RTP1: variants seen among roughly 807,000 people sequenced by gnomAD.
RTP1 encodes the protein receptor-transporting protein 1.
In RTP1, 24 loss-of-function variants were observed where a neutral mutation model predicts 27.1. The observed-to-expected ratio is 0.89, with a 90% CI of 0.64 to 1.25. RTP1 has a LOEUF of 1.25. Among genes scored for constraint, RTP1 ranks in the 50% most tolerant of loss-of-function variants. The pLI, the probability that RTP1 is intolerant of heterozygous loss-of-function variation, is 0.00. For synonymous variants in RTP1, 148 were observed against 148.1 expected (o/e 1.00, Z 0.00); for missense variants, 338 against 351.6 (o/e 0.96, Z 0.31).
At position 187,197,833 on chromosome 3, in the gene RTP1, C is replaced by T. The variant is rs372355538; in HGVS notation, c.272+46C>T. ...GATCCCTGCAGGCCGCCTCTAGGTCCCTAGCTCTGGGGCACCTTCCAAGGA... is the reference window on the plus strand; with the variant it reads ...GATCCCTGCAGGCCGCCTCTAGGTCTCTAGCTCTGGGGCACCTTCCAAGGA... On this transcript the variant is annotated intron_variant, in intron 1 of 1. Transcript: ENST00000312295. The T allele has an allele frequency of 4.4e-6, 7 of 1,578,248 alleles. No homozygotes were observed. The African/African-American group carries it at 9.4e-5, about 21-fold the overall frequency.
At position 187,199,824 on chromosome 3, in the gene RTP1, C is replaced by A. The variant is rs1721679882; in HGVS notation, c.546C>A (p.Asp182Glu). 4 of 1,608,508 alleles carry A rather than the reference C, an allele frequency of 2.5e-6. No homozygotes were observed. Among genetic ancestry groups the A allele is most frequent in the Non-Finnish European group, 3.4e-6 (4 of 1,175,696 alleles). The change falls in exon 2 of 2, where the codon GAC becomes GAA. Residue 182 changes from aspartate to glutamate, a missense_variant. This residue lies in a region of RTP1 where 252 missense variants were observed against 231.5 expected (regional missense o/e 1.09). Coordinates refer to ENST00000312295, the MANE Select transcript of RTP1 (RefSeq NM_153708.3). ...QYRIHVASRQ[D>E]NRRHRGEFCE... ...GCATCCACGTGGCCAGCCGCCAGGA[C>A]AACCGGCGGCACCGCGGAGAGTTCT...
In RTP1 at chr3:187,200,793, G is replaced by A. The variant is rs1201476199; in HGVS notation, c.*723G>A. The stretch of plus-strand genomic sequence containing the variant: ...TTCTTTCCACTCAGGGCAGATTCTG[G>A]GGTCTGCCTGCCTGAAAGATGGTGG... On this transcript the variant is annotated 3_prime_UTR_variant, in exon 2 of 2. Transcript: ENST00000312295. 2 of 152,200 alleles carry A rather than the reference G, an allele frequency of 1.3e-5. No individual in the cohort carries two copies. The highest frequency in any genetic ancestry group is 2.9e-5 in the Non-Finnish European group (2 of 68,076). The allele number at this position is 152,200 out of a possible 1,614,324, so 9.4% of individuals were successfully genotyped here. A position where few individuals can be genotyped will look rare whatever the true frequency, so the allele number is the denominator to read the frequency against.
rs1189423028 is a variant in RTP1 at position 187,200,947 on chromosome 3, G to C, written c.*877G>C. On this transcript the variant is annotated 3_prime_UTR_variant, in exon 2 of 2. Coordinates refer to ENST00000312295, the MANE Select transcript of RTP1 (RefSeq NM_153708.3). ...AATCTCTGGGAGGCATTATAATGGA[G>C]GGTCTTCAGAGTTCGGGGACCAAGT... is the stretch of plus-strand genomic sequence containing the variant. 1 of 152,246 alleles carries C rather than the reference G, an allele frequency of 6.6e-6. No individual in the cohort carries two copies. Among genetic ancestry groups the C allele is most frequent in the South Asian group, 2.1e-4 (1 of 4,822 alleles). The allele number at this position is 152,246 out of a possible 1,614,324, so 9.4% of individuals were successfully genotyped here. A position where few individuals can be genotyped will look rare whatever the true frequency, so the allele number is the denominator to read the frequency against.
Position 187,197,590 on chromosome 3 carries a change from G to C in RTP1, c.75G>C (p.Arg25Ser). ...CCTCACTCTCCGTGTTCTCACTAAG[G>C]TGGAAATTGCCTTCCCTCACTACTG... The part of the protein sequence containing the change: ...HLPSLSVFSL[R>S]WKLPSLTTDE... Residue 25 changes from arginine to serine, a missense_variant, in exon 1 of 2, where the codon AGG becomes AGC. Physicochemically the swap from Arg to Ser is moderately radical, Grantham distance 110. Transcript: ENST00000312295. 6.2e-7 allele frequency: 1 copy of C among 1,614,170 alleles called. No homozygotes were observed. The highest frequency in any genetic ancestry group is 8.5e-7 in the Non-Finnish European group (1 of 1,180,036).
At position 187,201,370 on chromosome 3, in the gene RTP1, C is replaced by T. The variant is rs1209841669; in HGVS notation, c.*1300C>T. On this transcript the variant is annotated 3_prime_UTR_variant, in exon 2 of 2. Transcript: ENST00000312295. ...CTGTTAAAAACTTGACTACTCTCCT[C>T]TTTAATAGAAAGTCACCATCATCTG... 6.6e-6 allele frequency: 1 copy of T among 152,176 alleles called. No individual in the cohort carries two copies. The highest frequency in any genetic ancestry group is 1.5e-5 in the Non-Finnish European group (1 of 68,018). The allele number at this position is 152,176 out of a possible 1,614,324, so 9.4% of individuals were successfully genotyped here. A position where few individuals can be genotyped will look rare whatever the true frequency, so the allele number is the denominator to read the frequency against.
chr3:187,200,295 G>C lies in RTP1; in HGVS notation c.*225G>C. 2.6e-6 allele frequency: 1 copy of C among 386,676 alleles called. No homozygotes were observed. Among genetic ancestry groups the C allele is most frequent in the Non-Finnish European group, 4.5e-6 (1 of 221,594 alleles). The allele number at this position is 386,676 out of a possible 1,614,324, so 24.0% of individuals were successfully genotyped here. The stretch of plus-strand genomic sequence containing the variant: ...ACCCAGGACCCCAAAGTTCTGCGTA[G>C]GTGCCTCAGGGACTTTTGGATTTGG... On this transcript the variant is annotated 3_prime_UTR_variant, in exon 2 of 2. Coordinates refer to ENST00000312295, the MANE Select transcript of RTP1 (RefSeq NM_153708.3).
chr3:187,197,748 CT>C lies in RTP1; in HGVS notation c.234del (p.Gly79ValfsTer173). On this transcript the variant is annotated frameshift_variant, in exon 1 of 2. Coordinates refer to ENST00000312295, the MANE Select transcript of RTP1 (RefSeq NM_153708.3). LOFTEE classifies it high-confidence loss of function. The part of the protein sequence containing the change: ...DPNLKHNVLS[P>X]GWKQYLELHA... ...AACCTCAAGCACAATGTGCTGAGCC[CT>C]GGTTGGAAGCAGTACCTGGAATTGC... 3 of 1,614,110 alleles carry C rather than the reference CT, an allele frequency of 1.9e-6. No individual in the cohort carries two copies. The highest frequency in any genetic ancestry group is 2.5e-6 in the Non-Finnish European group (3 of 1,179,960).
rs765994640 is a variant in RTP1 at position 187,199,511 on chromosome 3, C to T, written c.273-40C>T. ...TTCCTAGGGCTGTTTCCACCACCTC[C>T]GCCCGTCTTCTATTCCTCCCTCTCC... On this transcript the variant is annotated intron_variant, in intron 1 of 1. Coordinates refer to ENST00000312295, the MANE Select transcript of RTP1 (RefSeq NM_153708.3). 8.2e-5 allele frequency: 127 copies of T among 1,549,760 alleles called. 1 individual carries two copies. In the East Asian group the frequency reaches 2.7e-3, roughly 34 times the overall value.
Position 187,197,523 on chromosome 3 carries a change from T to G in RTP1, c.8T>G (p.Ile3Ser), listed in dbSNP as rs377103588. The G allele has an allele frequency of 6.2e-7, 1 of 1,613,364 alleles. No homozygotes were observed. Among genetic ancestry groups the G allele is most frequent in the Non-Finnish European group, 8.5e-7 (1 of 1,179,438 alleles). The change falls in exon 1 of 2, where the codon ATT becomes AGT. Residue 3 changes from isoleucine (I) to serine (S), a missense_variant. Ile to Ser is a moderately radical substitution (Grantham distance 142). Around this residue, in one of 3 missense-constraint regions of RTP1, gnomAD observed 64 missense variants for 74.5 expected, o/e 0.86. Transcript: ENST00000312295. ...TTCCTCCTGGTCTTGTCGATGAGGA[T>G]TTTTAGACCGTGGAGACTGCGCTGC... MR[I>S]FRPWRLRCPA...
rs200260826 is a variant in RTP1, at chr3:187,199,681, T to C, written c.403T>C (p.Cys135Arg). 6.2e-7 allele frequency: 1 copy of C among 1,612,224 alleles called. No homozygotes were observed. Among genetic ancestry groups the C allele is most frequent in the African/African-American group, 1.3e-5 (1 of 74,974 alleles). The change falls in exon 2 of 2, where the codon TGC becomes CGC. Residue 135 changes from cysteine (C) to arginine (R), a missense_variant. Physicochemically the swap from Cys to Arg is radical, Grantham distance 180. Transcript: ENST00000312295. ...MRVFKQLCYE[C>R]GTARLDESSM... is the part of the protein sequence containing the mutation. ...CGTCTTCAAGCAGCTGTGCTATGAG[T>C]GCGGCACGGCGCGGCTGGACGAGTC...
chr3:187,198,446 T>A (rs1258995016), intron 1 of RTP1: 1 of 152,288 alleles, frequency 6.6e-6, no homozygotes, highest in Non-Finnish European at 1.5e-5. Context: ...TCAAGAAGAG[T>A]TCTAGGTGAT....
At position 187,199,729 on chromosome 3, in the gene RTP1, G is replaced by C. The variant is rs747814477; in HGVS notation, c.451G>C (p.Glu151Gln). ...GTCCAGCATGCTGGAGGAGAACATC[G>C]AGGGCCTGGTGGACAACCTCATCAC... ...DESSMLEENIEGLVDNLITSL... is the reference protein window; with the variant it reads ...DESSMLEENIQGLVDNLITSL... The change falls in exon 2 of 2, where the codon GAG becomes CAG. Residue 151 changes from glutamate (E) to glutamine (Q), a missense_variant. Physicochemically the swap from Glu to Gln is conservative, Grantham distance 29. This residue lies in a region of RTP1 where 252 missense variants were observed against 231.5 expected (regional missense o/e 1.09). Transcript: ENST00000312295. 1 of 1,613,548 alleles carries C rather than the reference G, an allele frequency of 6.2e-7. No homozygotes were observed. The highest frequency in any genetic ancestry group is 8.5e-7 in the Non-Finnish European group (1 of 1,179,632).
chr3:187,200,015 C>A lies in RTP1; in HGVS notation c.737C>A (p.Ala246Asp). The change falls in exon 2 of 2, where the codon GCC becomes GAC. Residue 246 changes from alanine (A) to aspartate (D), a missense_variant. Transcript: ENST00000312295. ...TCTATCCCCTGGTGCTTGTTTTGGG[C>A]CACGGTCCTGCTGCTGATCATCTAC... ...FCSIPWCLFW[A>D]TVLLLIIYLQ... is the part of the protein sequence containing the mutation. The A allele has an allele frequency of 6.5e-7, 1 of 1,532,594 alleles. No individual in the cohort carries two copies. Among genetic ancestry groups the A allele is most frequent in the Non-Finnish European group, 8.8e-7 (1 of 1,139,788 alleles). 94.9% of individuals were successfully genotyped at this position (1,532,594 alleles called of 1,614,324 possible).
intron 1 of RTP1, among the ~76,000 whole-genome samples, chr3:187,199,056 C>T (rs1721655035): frequency 6.6e-6 from 1 of 152,172 alleles, no homozygotes; most frequent in Non-Finnish European, 1.5e-5. Flanking sequence ...AGACTGCCTC[C>T]ACCTCCAGGC....
chr3:187,199,755 C>T lies in RTP1; in HGVS notation c.477C>T (p.Thr159=). The T allele has an allele frequency of 1.2e-6, 2 of 1,613,666 alleles. No homozygotes were observed. Among genetic ancestry groups the T allele is most frequent in the Non-Finnish European group, 1.7e-6 (2 of 1,179,718 alleles). The change falls in exon 2 of 2, where the codon ACC becomes ACT. Residue 159 remains threonine (T), a synonymous_variant. Transcript: ENST00000312295. Reference sequence around the variant, plus strand: ...AGGGCCTGGTGGACAACCTCATCACCAGCCTGCGCGAGCAGTGCTACGGCG... The same window carrying T: ...AGGGCCTGGTGGACAACCTCATCACTAGCCTGCGCGAGCAGTGCTACGGCG... ...NIEGLVDNLI[T]SLREQCYGER... is the part of the protein sequence containing the mutation.
rs1721699143 is a variant in RTP1, at chr3:187,200,442, T to C, written c.*372T>C. On this transcript the variant is annotated 3_prime_UTR_variant, in exon 2 of 2. Transcript: ENST00000312295. ...CTTTAGATAGGGTTCCATTTAAGAT[T>C]TTTGTACCAAAAAAAAAAAAAAAAA... 6.9e-6 allele frequency: 1 copy of C among 145,234 alleles called. No individual in the cohort carries two copies. The highest frequency in any genetic ancestry group is 1.4e-5 in the Non-Finnish European group (1 of 72,700). 9.0% of individuals were successfully genotyped at this position (145,234 alleles called of 1,614,324 possible). A position where few individuals can be genotyped will look rare whatever the true frequency, so the allele number is the denominator to read the frequency against.
intron 1 of RTP1, 171 bp downstream of exon 1, chr3:187,197,958 C>A: frequency 1.6e-6 from 1 of 624,640 alleles, no homozygotes; most frequent in Non-Finnish European, 2.7e-6. Flanking sequence ...GGAACTACGA[C>A]ACTTGAGTTG....
intron 1 of RTP1, 127 bp downstream of exon 1, chr3:187,197,914 G>A (rs915895586): frequency 1.4e-4 from 135 of 934,418 alleles, no homozygotes; most frequent in Non-Finnish European, 1.9e-4. Flanking sequence ...TTAGGCTGGC[G>A]TAGACTGGAA....
In RTP1 at chr3:187,197,670, A is replaced by G; in HGVS notation, c.155A>G (p.Glu52Gly). ...GATGAGTGGAAGAAAGTCTTCTATG[A>G]GAAGATGGAGGAGGCAAAGCCGGCT... The part of the protein sequence containing the change: ...TTDEWKKVFY[E>G]KMEEAKPADS... The change falls in exon 1 of 2, where the codon GAG becomes GGG. Residue 52 changes from glutamate (E) to glycine (G), a missense_variant. By Grantham distance (98) the Glu-to-Gly change is moderately conservative. Coordinates refer to ENST00000312295, the MANE Select transcript of RTP1 (RefSeq NM_153708.3). The G allele has an allele frequency of 3.1e-6, 5 of 1,614,206 alleles. No homozygotes were observed. Among genetic ancestry groups the G allele is most frequent in the Non-Finnish European group, 4.2e-6 (5 of 1,180,036 alleles).
Sources: gnomAD v4.1 joint callset for allele counts (sites outside exome capture counted in the v4.1 genomes callset) on GRCh38, gnomAD v4.1.1 for gene constraint, gnomAD v4.1.1 regional missense constraint, MANE v1.5 for transcripts, NCBI Gene and HGNC (gene_info 2026-07-23, HGNC 2026-07-21) for gene names.